The following TPPP variants were observed in gnomAD, a reference collection of about 807,000 sequenced individuals.
The protein encoded by TPPP is tubulin polymerization-promoting protein.
A neutral mutation model predicts 15.5 loss-of-function variants in TPPP; 6 were observed. The ratio of observed to expected loss-of-function variants is 0.39; its 90% CI spans 0.21 to 0.77. TPPP has a LOEUF of 0.77. TPPP is among the 30% of genes least tolerant of loss of function. The pLI is 0.42. For synonymous variants in TPPP, 146 were observed against 133.9 expected, an observed-to-expected ratio of 1.09 and a Z score of -0.63; for missense variants, 269 against 307.2, an observed-to-expected ratio of 0.88 and a Z score of 0.93.
At chr5:684,528 A>C (rs1351497224) in intron 1 of TPPP, among the ~76,000 whole-genome samples, 1 of 151,892 alleles carries the variant, frequency 6.6e-6, no homozygotes, top group Non-Finnish European at 1.5e-5. Flanking sequence ...CTCACAGCGG[A>C]AGGAGTGGAC....
intron 1 of TPPP, among the ~76,000 whole-genome samples, chr5:684,836 A>G (rs768202820): frequency 7.2e-5 from 11 of 152,172 alleles, no homozygotes; most frequent in Non-Finnish European, 1.3e-4. Context: ...GCCGCCTGTC[A>G]GGCAGTCAGA....
At chr5:685,548 A>G (rs1468996233) in intron 1 of TPPP, among the ~76,000 whole-genome samples, 3 of 152,188 alleles carry the variant, frequency 2.0e-5, no homozygotes, top group African/African-American at 7.2e-5. Flanking sequence ...GCCTTCCGGT[A>G]AGGGGGGCAG....
Position 660,230 on chromosome 5 carries a change from A to T in TPPP, c.*4872T>A, listed in dbSNP as rs1739531044. ...ATATATATATATATATATATATATA[A>T]ATTTGTTTCCCTTTCTTGAAAAAAA... On this transcript the variant is annotated 3_prime_UTR_variant, in exon 4 of 4. Transcript: ENST00000360578. 1 of 142,430 alleles carries T rather than the reference A, an allele frequency of 7.0e-6. No individual in the cohort carries two copies. Among genetic ancestry groups the T allele is most frequent in the South Asian group, 2.2e-4 (1 of 4,478 alleles). The allele number at this position is 142,430 out of a possible 1,614,324, so 8.8% of individuals were successfully genotyped here.
rs75273371 is a variant in TPPP, at chr5:663,245, G to C, written c.*1857C>G. The C allele has an allele frequency of 0.023, 3,512 of 152,380 alleles. 46 individuals are homozygous for C. Among genetic ancestry groups the C allele is most frequent in the African/African-American group, 0.03 (1,233 of 41,560 alleles). 9.4% of individuals were successfully genotyped at this position (152,380 alleles called of 1,614,324 possible). ...GATTCCGAACCGCACATTCAGAGTT[G>C]TTTTCAAATGTTTCCGCACGTTAGT... On this transcript the variant is annotated 3_prime_UTR_variant, in exon 4 of 4. Coordinates refer to ENST00000360578, the MANE Select transcript of TPPP (RefSeq NM_007030.3).
At chr5:699,201 C>T in the TPPP span, among the ~76,000 whole-genome samples, 3 of 152,050 alleles carry the variant, frequency 2.0e-5, no homozygotes, top group Non-Finnish European at 4.4e-5. Context: ...GCTAGAAGAA[C>T]AAAGTTTCAG....
At chr5:697,178 G>A (rs1300443887), upstream of TPPP, among the ~76,000 whole-genome samples, 1 of 131,916 alleles carries the variant, frequency 7.6e-6, no homozygotes, top group Non-Finnish European at 1.7e-5. Context: ...CTTGCTGCCA[G>A]GGAGCGACTC....
intron 2 of TPPP, chr5:675,923 C>T (rs1224823851): frequency 1.3e-5 from 2 of 152,180 alleles, no homozygotes; most frequent in Non-Finnish European, 2.9e-5. Context: ...TGGGAAGCCA[C>T]AGAGGAGGTT....
rs557537516 is a variant in TPPP, at chr5:685,250, G to A, written c.-4-7186C>T. Among the ~76,000 whole-genome samples, 12 of 152,358 alleles carry A rather than the reference G, an allele frequency of 7.9e-5. No individual in the cohort carries two copies. In the East Asian group the frequency reaches 2.3e-3, roughly 29 times the overall value. Reference sequence around the variant, plus strand: ...AGGCTCTGCCCCATAGAAGACCTGAGGTCGGGCTCCTGCTCTCCAGGGACC... The same window carrying A: ...AGGCTCTGCCCCATAGAAGACCTGAAGTCGGGCTCCTGCTCTCCAGGGACC... On this transcript the variant is annotated intron_variant, in intron 1 of 3. Transcript: ENST00000360578.
chr5:660,790 G>A lies in TPPP; in HGVS notation c.*4312C>T, dbSNP rs952752036. ...CAGGCGGCCGCAGCAGCCCAGGATG[G>A]GGGCTGGGGTAGGAGGTGATGCCCA... On this transcript the variant is annotated 3_prime_UTR_variant, in exon 4 of 4. Transcript: ENST00000360578. 2.6e-5 allele frequency: 4 copies of A among 152,360 alleles called. No individual in the cohort carries two copies. Among genetic ancestry groups the A allele is most frequent in the African/African-American group, 9.7e-5 (4 of 41,444 alleles). The allele number at this position is 152,360 out of a possible 1,614,324, so 9.4% of individuals were successfully genotyped here. A position where few individuals can be genotyped will look rare whatever the true frequency, so the allele number is the denominator to read the frequency against.
At chr5:686,951 G>A (rs1490354819) in intron 1 of TPPP, among the ~76,000 whole-genome samples, 3 of 141,936 alleles carry the variant, frequency 2.1e-5, no homozygotes, top group Non-Finnish European at 4.8e-5. Context: ...CTTGTCGGAC[G>A]CCAAGCCTGC....
chr5:681,763 G>C (rs1347349000), intron 1 of TPPP, among the ~76,000 whole-genome samples: 3 of 151,488 alleles, frequency 2.0e-5, no homozygotes, highest in African/African-American at 4.9e-5. Context: ...TTGTCCAACT[G>C]GCATCTTCAA....
intron 2 of TPPP, among the ~76,000 whole-genome samples, chr5:672,059 A>G (rs1008587008): frequency 2.6e-5 from 4 of 152,182 alleles, no homozygotes; most frequent in Non-Finnish European, 5.9e-5. Context: ...CTCCAAACAC[A>G]CTGTGACCTG....
intron 1 of TPPP, among the ~76,000 whole-genome samples, chr5:686,131 A>G (rs1321085253): frequency 6.6e-6 from 1 of 152,154 alleles, no homozygotes; most frequent in African/African-American, 2.4e-5. Flanking sequence ...GGCCAACACC[A>G]TTTCTCTAAA....
At chr5:693,187 C>A (rs1347438006) in intron 1 of TPPP, 91 bp downstream of exon 1, 2 of 132,072 alleles carry the variant, frequency 1.5e-5, no homozygotes, top group African/African-American at 5.5e-5. Flanking sequence ...GGGGCTGCGG[C>A]GCAGGTGGCT....
chr5:670,605 C>T (rs889533099), intron 2 of TPPP, among the ~76,000 whole-genome samples: 1 of 152,090 alleles, frequency 6.6e-6, no homozygotes, highest in Non-Finnish European at 1.5e-5. Context: ...GGTAGGGACG[C>T]GGCCTTAGGG....
At chr5:687,187 TG>T (rs1475177454) in intron 1 of TPPP, among the ~76,000 whole-genome samples, 4 of 140,954 alleles carry the variant, frequency 2.8e-5, no homozygotes, top group African/African-American at 1.1e-4. Flanking sequence ...AGCTGACTCA[TG>T]AGATGCCTGG....
At chr5:670,274 G>A (rs1740167559) in intron 2 of TPPP, among the ~76,000 whole-genome samples, 1 of 152,160 alleles carries the variant, frequency 6.6e-6, no homozygotes, top group Admixed American at 6.5e-5. Context: ...CTCCCATGGT[G>A]CCCTCTCTGA....
rs1739634789 is a variant in TPPP at position 662,020 on chromosome 5, G to C, written c.*3082C>G. The C allele has an allele frequency of 6.6e-6, 1 of 152,514 alleles. No individual in the cohort carries two copies. Among genetic ancestry groups the C allele is most frequent in the Admixed American group, 6.5e-5 (1 of 15,292 alleles). 9.4% of individuals were successfully genotyped at this position (152,514 alleles called of 1,614,324 possible). On this transcript the variant is annotated 3_prime_UTR_variant, in exon 4 of 4. Transcript: ENST00000360578. ...AGGGTGCTCCAGGCCAGGACGGGCA[G>C]GGTGCCACAGCAGCCTCGATCTCAT...
intron 1 of TPPP, among the ~76,000 whole-genome samples, chr5:684,442 G>C (rs1310360052): frequency 6.6e-6 from 1 of 151,552 alleles, no homozygotes; most frequent in East Asian, 1.9e-4. Flanking sequence ...AGCTCTCGGC[G>C]CTGGAGACCC....
Sources: gnomAD v4.1 joint callset for allele counts (sites outside exome capture counted in the v4.1 genomes callset) on GRCh38, gnomAD v4.1.1 for gene constraint, MANE v1.5 for transcripts, NCBI Gene and HGNC (gene_info 2026-07-23, HGNC 2026-07-21) for gene names.